PALM2AKAP2: variants seen among roughly 807,000 people sequenced by gnomAD.
PALM2AKAP2 encodes the protein PALM2-AKAP2 fusion protein.
A neutral mutation model predicts 71.5 loss-of-function variants in PALM2AKAP2; 37 were observed. That is an observed-to-expected ratio of 0.52 (90% CI 0.40 to 0.68). The LOEUF (loss-of-function observed/expected upper bound fraction) is 0.68, where lower values mean the gene tolerates loss of function less well. PALM2AKAP2 is among the 30% of genes least tolerant of loss of function. PALM2AKAP2 has a pLI of 0.00. For missense variants in PALM2AKAP2, 1,224 were observed against 1,191.8 expected, an observed-to-expected ratio of 1.03 and a Z score of -0.40; for synonymous variants, 468 against 478.8, an observed-to-expected ratio of 0.98 and a Z score of 0.29.
intron 1 of PALM2AKAP2, among the ~76,000 whole-genome samples, chr9:109,667,324 A>C (rs577082415): frequency 4.5e-4 from 68 of 152,342 alleles, no homozygotes; most frequent in Middle Eastern, 3.4e-3. Context: ...GACCTGAACG[A>C]GTACCTAGCT....
chr9:109,913,951 T>TC (rs1830629227), intron 3 of PALM2AKAP2, among the ~76,000 whole-genome samples: 1 of 152,008 alleles, frequency 6.6e-6, no homozygotes, highest in Non-Finnish European at 1.5e-5. Flanking sequence ...AGAGATGGGG[T>TC]TTCACCATGT....
chr9:109,702,824 C>CTT (rs1055642716), intron 1 of PALM2AKAP2, among the ~76,000 whole-genome samples: 1 of 141,922 alleles, frequency 7.0e-6, no homozygotes, highest in East Asian at 2.0e-4. Context: ...TCTTTTCTTT[C>CTT]TTTTTTTTTT....
intron 1 of PALM2AKAP2, among the ~76,000 whole-genome samples, chr9:109,733,537 C>T (rs934046371): frequency 7.2e-5 from 11 of 152,142 alleles, no homozygotes; most frequent in East Asian, 1.9e-4. Context: ...TTTCCCCTTC[C>T]GTAGTCCTTA....
chr9:109,833,421 G>A (rs562112742), intron 1 of PALM2AKAP2, among the ~76,000 whole-genome samples: 21 of 152,226 alleles, frequency 1.4e-4, no homozygotes, highest in African/African-American at 4.8e-4. Flanking sequence ...GCACCATGGT[G>A]GCCCTGCAGT....
chr9:109,867,677 A>T (rs1829492956), intron 2 of PALM2AKAP2, 106 bp downstream of exon 2: 1 of 1,294,876 alleles, frequency 7.7e-7, no homozygotes, highest in South Asian at 1.5e-5. Flanking sequence ...CGCCAACCAA[A>T]CCAGCCTTTT....
chr9:109,660,347 C>A (rs968694125), intron 1 of PALM2AKAP2, among the ~76,000 whole-genome samples: 1 of 151,424 alleles, frequency 6.6e-6, no homozygotes, highest in African/African-American at 2.4e-5. Context: ...CCCTCCCCAA[C>A]CCCCCCAACT....
intron 1 of PALM2AKAP2, among the ~76,000 whole-genome samples, chr9:110,067,025 T>A (rs1039379485): frequency 4.6e-5 from 7 of 152,146 alleles, no homozygotes; most frequent in African/African-American, 9.7e-5. Context: ...TAGATAATAA[T>A]AAATATGGCC....
At chr9:109,651,225 G>A (rs940326098) in intron 1 of PALM2AKAP2, among the ~76,000 whole-genome samples, 2 of 152,106 alleles carry the variant, frequency 1.3e-5, no homozygotes, top group South Asian at 2.1e-4. Context: ...GTCAGTGTAC[G>A]GTTTAATCTA....
intron 1 of PALM2AKAP2, among the ~76,000 whole-genome samples, chr9:109,753,388 C>T (rs1167372293): frequency 6.6e-6 from 1 of 152,128 alleles, no homozygotes; most frequent in Non-Finnish European, 1.5e-5. Context: ...GTGCCTCCTT[C>T]CTCAGTTTGC....
At chr9:110,142,668 G>T (rs1457201912) in intron 2 of PALM2AKAP2, among the ~76,000 whole-genome samples, 1 of 152,172 alleles carries the variant, frequency 6.6e-6, no homozygotes, top group Non-Finnish European at 1.5e-5. Context: ...GGTAAAGTTG[G>T]GCTCAGGGTG....
At chr9:109,950,680 GA>G (rs1302066600) in intron 6 of PALM2AKAP2, among the ~76,000 whole-genome samples, 1 of 152,206 alleles carries the variant, frequency 6.6e-6, no homozygotes, top group African/African-American at 2.4e-5. Flanking sequence ...CCATTTTCAA[GA>G]GAAATAACCC....
chr9:109,712,209 C>G (rs1019612940), intron 1 of PALM2AKAP2, among the ~76,000 whole-genome samples: 10 of 152,144 alleles, frequency 6.6e-5, no homozygotes, highest in African/African-American at 1.9e-4. Context: ...GGCCGAAGTT[C>G]ATTGCTTACA....
chr9:110,138,154 A>G (rs1403780291), exon 2 of PALM2AKAP2: 3 of 1,613,932 alleles, frequency 1.9e-6, no homozygotes. Context: ...AAAGGGATGT[A>G]TTACCAAAGA....
At chr9:109,898,423 C>T (rs1830254343) in intron 3 of PALM2AKAP2, among the ~76,000 whole-genome samples, 1 of 152,116 alleles carries the variant, frequency 6.6e-6, no homozygotes, top group Non-Finnish European at 1.5e-5. Context: ...CATTTTTTTT[C>T]AGAGTGCTAA....
In PALM2AKAP2 at chr9:110,056,182, G is replaced by A. The variant is rs536017629; in HGVS notation, c.156+7327G>A. Among the ~76,000 whole-genome samples, 13 of 152,334 alleles carry A rather than the reference G, an allele frequency of 8.5e-5. No homozygotes were observed. The South Asian group carries it at 2.5e-3, about 29-fold the overall frequency. ...ACCTGGTGAGGTGTGTGTAGAAGGT[G>A]TGAGGAAGGCCAAACCACATTTTCC... is the stretch of plus-strand genomic sequence containing the variant. On this transcript the variant is annotated intron_variant, in intron 1 of 3. Coordinates refer to ENST00000374525, the Ensembl canonical transcript of PALM2AKAP2.
At chr9:109,663,025 AT>A (rs571241323) in intron 1 of PALM2AKAP2, among the ~76,000 whole-genome samples, 3 of 151,762 alleles carry the variant, frequency 2.0e-5, no homozygotes, top group Non-Finnish European at 2.9e-5. Context: ...CCCCTTTATC[AT>A]TTTTTTATTG....
intron 1 of PALM2AKAP2, among the ~76,000 whole-genome samples, chr9:110,070,277 A>G (rs1334694478): frequency 4.6e-5 from 7 of 152,356 alleles, no homozygotes; most frequent in Non-Finnish European, 8.8e-5. Context: ...ATGCTTGCAT[A>G]TGGCAAAATT....
chr9:109,839,063 CT>C (rs1828574647), intron 1 of PALM2AKAP2, among the ~76,000 whole-genome samples: 1 of 152,176 alleles, frequency 6.6e-6, no homozygotes, highest in South Asian at 2.1e-4. Context: ...GATACCAAAG[CT>C]TGGCAGAGAC....
intron 3 of PALM2AKAP2, among the ~76,000 whole-genome samples, chr9:110,167,031 A>T (rs1246844018): frequency 6.6e-6 from 1 of 152,226 alleles, no homozygotes; most frequent in African/African-American, 2.4e-5. Context: ...CACGTCTTAC[A>T]TGGCAGCAGG....
Sources: allele counts gnomAD v4.1 joint callset (sites outside exome capture counted in the v4.1 genomes callset), GRCh38; gene constraint gnomAD v4.1.1; transcripts MANE v1.5; gene names NCBI Gene and HGNC (gene_info 2026-07-23, HGNC 2026-07-21).